Variants in LYPLAL1 observed in about 807,000 individuals in gnomAD.
The protein encoded by LYPLAL1 is lysophospholipase like 1, also known as lysophospholipase-like protein 1.
LYPLAL1 carries 23 observed loss-of-function variants against 19.7 expected under a neutral mutation model. The observed-to-expected ratio is 1.17, with a 90% confidence interval of 0.84 to 1.65. The LOEUF is 1.65. Ranked by LOEUF, LYPLAL1 falls within the 40% of genes most tolerant of loss-of-function variation. The pLI is 0.00. For synonymous variants in LYPLAL1, 119 were observed against 96.3 expected (o/e 1.24, Z -1.38); for missense variants, 355 against 279.4 (o/e 1.27, Z -1.93).
At chr1:219,335,679 A>G in the LYPLAL1 span, among the ~76,000 whole-genome samples, 3 of 151,916 alleles carry the variant, frequency 2.0e-5, no homozygotes, top group Admixed American at 1.3e-4. Context: ...ATAATTCATT[A>G]ATCTATTCAT....
the LYPLAL1 span, among the ~76,000 whole-genome samples, chr1:219,346,645 C>A: frequency 2.0e-5 from 3 of 152,002 alleles, no homozygotes; most frequent in Admixed American, 2.0e-4. Context: ...AGGACATCCC[C>A]AGGAGACCTG....
the LYPLAL1 span, among the ~76,000 whole-genome samples, chr1:219,346,667 G>A: frequency 6.6e-6 from 1 of 152,104 alleles, no homozygotes; most frequent in South Asian, 2.1e-4. Flanking sequence ...GAAGACAGGT[G>A]GAAGGTTTGG....
downstream of LYPLAL1, among the ~76,000 whole-genome samples, chr1:219,215,207 TTGTTTTCGAAAGG>T (rs1659246703): frequency 1.3e-5 from 2 of 152,144 alleles, no homozygotes; most frequent in African/African-American, 4.8e-5. Flanking sequence ...TATTTTACAT[TTGTTTTCGAAAGG>T]TGTTTTCACT....
the LYPLAL1 span, among the ~76,000 whole-genome samples, chr1:219,400,475 C>G: frequency 1.1e-4 from 16 of 151,034 alleles, no homozygotes; most frequent in African/African-American, 3.2e-4. Flanking sequence ...TGTGCCCTAT[C>G]TATCTATCTA....
intron 3 of LYPLAL1, among the ~76,000 whole-genome samples, chr1:219,204,181 A>T (rs1010473804): frequency 1.3e-5 from 2 of 152,324 alleles, no homozygotes; most frequent in Non-Finnish European, 2.9e-5. Flanking sequence ...TTTATGTTTC[A>T]TATGATTCTA....
At chr1:219,319,718 C>T in the LYPLAL1 span, among the ~76,000 whole-genome samples, 1 of 152,184 alleles carries the variant, frequency 6.6e-6, no homozygotes, top group Non-Finnish European at 1.5e-5. Flanking sequence ...GACTGTTCAA[C>T]TCTTTGTTTA....
the LYPLAL1 span, among the ~76,000 whole-genome samples, chr1:219,421,537 A>G: frequency 2.6e-5 from 4 of 152,240 alleles, no homozygotes; most frequent in East Asian, 7.7e-4. Context: ...AGCAATGCTT[A>G]TGCTGTGTTC....
the LYPLAL1 span, among the ~76,000 whole-genome samples, chr1:219,424,119 G>GA: frequency 6.6e-6 from 1 of 151,334 alleles, no homozygotes; most frequent in Non-Finnish European, 1.5e-5. Flanking sequence ...AGATTTACTA[G>GA]AAAAAATTGC....
chr1:219,198,890 C>T (rs1042210654), intron 3 of LYPLAL1: 1 of 152,120 alleles, frequency 6.6e-6, no homozygotes, highest in African/African-American at 2.4e-5. Context: ...TTGAGCTTTT[C>T]ATCAAATACA....
chr1:219,256,544 T>C, the LYPLAL1 span, among the ~76,000 whole-genome samples: 1 of 151,928 alleles, frequency 6.6e-6, no homozygotes, highest in Non-Finnish European at 1.5e-5. Context: ...AAGAACAAAC[T>C]TTTGGCTTTC....
the LYPLAL1 span, among the ~76,000 whole-genome samples, chr1:219,248,197 G>A: frequency 2.6e-5 from 4 of 152,218 alleles, no homozygotes; most frequent in East Asian, 3.9e-4. Context: ...TGATGTCGAC[G>A]AGGTCCTGAC....
the LYPLAL1 span, among the ~76,000 whole-genome samples, chr1:219,234,142 A>T: frequency 4.5e-4 from 69 of 152,310 alleles, no homozygotes; most frequent in African/African-American, 1.6e-3. Flanking sequence ...AAACCTTATA[A>T]GATCATTTGA....
chr1:219,316,184 T>C, the LYPLAL1 span, among the ~76,000 whole-genome samples: 2 of 152,224 alleles, frequency 1.3e-5, no homozygotes, highest in Non-Finnish European at 2.9e-5. Context: ...TAAATGTTTT[T>C]TCTGCATCAA....
At chr1:219,294,173 A>G in the LYPLAL1 span, among the ~76,000 whole-genome samples, 41 of 152,350 alleles carry the variant, frequency 2.7e-4, no homozygotes, top group African/African-American at 8.7e-4. Context: ...AACTCAATCT[A>G]TCCTGAAGAT....
chr1:219,285,801 G>A, the LYPLAL1 span, among the ~76,000 whole-genome samples: 1 of 152,176 alleles, frequency 6.6e-6, no homozygotes, highest in African/African-American at 2.4e-5. Flanking sequence ...GATAGAGGTG[G>A]TGGTTGCACA....
chr1:219,314,513 C>T, the LYPLAL1 span, among the ~76,000 whole-genome samples: 1 of 152,058 alleles, frequency 6.6e-6, no homozygotes, highest in Non-Finnish European at 1.5e-5. Context: ...GGCGCAATCT[C>T]GGCTAGCTGC....
chr1:219,317,191 T>A, the LYPLAL1 span, among the ~76,000 whole-genome samples: 1 of 152,222 alleles, frequency 6.6e-6, no homozygotes, highest in Non-Finnish European at 1.5e-5. Context: ...ATACTTCATG[T>A]CAATTTTCTT....
chr1:219,198,487 A>T (rs1374753154), intron 3 of LYPLAL1: 2 of 152,222 alleles, frequency 1.3e-5, no homozygotes, highest in South Asian at 2.1e-4. Flanking sequence ...CACATTTGAT[A>T]TATTTTTTCT....
chr1:219,334,405 A>T, the LYPLAL1 span, among the ~76,000 whole-genome samples: 2 of 151,820 alleles, frequency 1.3e-5, no homozygotes, highest in African/African-American at 4.8e-5. Context: ...AATTTTTATG[A>T]CCCTGGGCCA....
Sources: gnomAD v4.1 joint callset for allele counts (sites outside exome capture counted in the v4.1 genomes callset) on GRCh38, gnomAD v4.1.1 for gene constraint, MANE v1.5 for transcripts, NCBI Gene and HGNC (gene_info 2026-07-23, HGNC 2026-07-21) for gene names.